Variants in BPTF observed in about 807,000 individuals in gnomAD.
BPTF encodes nucleosome-remodeling factor subunit BPTF.
In BPTF, 18 loss-of-function variants were observed where a neutral mutation model predicts 292.5. That is an observed-to-expected ratio of 0.06 (90% CI 0.04 to 0.09). BPTF has a LOEUF of 0.09. Ranked by LOEUF, BPTF falls within the 10% of genes least tolerant of loss-of-function variation. The pLI, the probability that BPTF is intolerant of heterozygous loss-of-function variation, is 1.00. For missense variants in BPTF, 2,726 were observed against 3,498.7 expected (o/e 0.78, Z 5.57); for synonymous variants, 1,225 against 1,251.9 (o/e 0.98, Z 0.45).
chr17:67,959,821 C>G lies in BPTF; in HGVS notation c.8207C>G (p.Thr2736Ser), dbSNP rs2067303235. Residue 2736 changes from threonine to serine, a missense_variant, in exon 24 of 28, where the codon ACT becomes AGT. Thr to Ser is a moderately conservative substitution (Grantham distance 58). Around this residue, in one of 22 missense-constraint regions of BPTF, gnomAD observed 148 missense variants for 145.5 expected, o/e 1.02. Coordinates refer to ENST00000306378, the MANE Select transcript of BPTF (RefSeq NM_182641.4). Reference sequence around the variant, plus strand: ...ATGATCTCTACTACCTCAAAGGAAACTAAGAAGGACACAAAGCTTTACTGT... The same window carrying G: ...ATGATCTCTACTACCTCAAAGGAAAGTAAGAAGGACACAAAGCTTTACTGT... The part of the protein sequence containing the change: ...KKMISTTSKE[T>S]KKDTKLYCIC... The G allele has an allele frequency of 1.2e-6, 2 of 1,613,554 alleles. No individual in the cohort carries two copies. Among genetic ancestry groups the G allele is most frequent in the Non-Finnish European group, 1.7e-6 (2 of 1,179,840 alleles).
chr17:67,904,185 C>T (rs1346393792), intron 8 of BPTF, among the ~76,000 whole-genome samples: 4 of 152,148 alleles, frequency 2.6e-5, no homozygotes, highest in Admixed American at 6.6e-5. Flanking sequence ...TGCACCACCA[C>T]GCCTGGCTAA....
intron 5 of BPTF, among the ~76,000 whole-genome samples, chr17:67,892,325 T>C (rs2061171677): frequency 6.6e-6 from 1 of 152,242 alleles, no homozygotes; most frequent in South Asian, 2.1e-4. Context: ...ATTAAAGCCT[T>C]CTTTACACAT....
intron 3 of BPTF, among the ~76,000 whole-genome samples, chr17:67,868,582 C>T (rs529313217): frequency 1.8e-4 from 28 of 152,278 alleles, no homozygotes; most frequent in African/African-American, 6.7e-4. Context: ...ACTATAGTGC[C>T]TTTTAAGTTT....
At chr17:67,910,355 C>G (rs1464311385) in intron 10 of BPTF, among the ~76,000 whole-genome samples, 1 of 152,152 alleles carries the variant, frequency 6.6e-6, no homozygotes, top group Admixed American at 6.6e-5. Flanking sequence ...TGCGTTTTCA[C>G]TTCTCTTGGC....
At chr17:67,880,608 T>G (rs557617409) in intron 4 of BPTF, among the ~76,000 whole-genome samples, 1 of 152,110 alleles carries the variant, frequency 6.6e-6, no homozygotes, top group South Asian at 2.1e-4. Context: ...CAAACATTTG[T>G]AGGTTTTTGT....
In BPTF at chr17:67,843,826, C is replaced by T. The variant is rs559316772; in HGVS notation, c.614-10114C>T. ...TGTTGCCCAGGCTGGAATGCAATGG[C>T]GCAATCGTGGCTCACTGCAACCTCC... On this transcript the variant is annotated intron_variant, in intron 1 of 27. Coordinates refer to ENST00000306378, the MANE Select transcript of BPTF (RefSeq NM_182641.4). Among the ~76,000 whole-genome samples, 18 of 128,198 alleles carry T rather than the reference C, an allele frequency of 1.4e-4. No homozygotes were observed. The East Asian group carries it at 2.1e-3, about 15-fold the overall frequency. 84.1% of individuals were successfully genotyped at this position (128,198 alleles called of 152,430 possible).
chr17:67,826,976 G>C (rs1264448462), intron 1 of BPTF, among the ~76,000 whole-genome samples: 1 of 152,144 alleles, frequency 6.6e-6, no homozygotes, highest in East Asian at 1.9e-4. Flanking sequence ...TAATGGGCCC[G>C]TGCAACAGTT....
intron 1 of BPTF, among the ~76,000 whole-genome samples, chr17:67,834,095 C>G (rs759330111): frequency 6.6e-6 from 1 of 152,176 alleles, no homozygotes; most frequent in Non-Finnish European, 1.5e-5. Context: ...ATCACCTTCT[C>G]CAGCCTGCCT....
At chr17:67,924,376 C>T (rs1419278978) in intron 14 of BPTF, among the ~76,000 whole-genome samples, 171 bp from the exon 15 acceptor site, 1 of 151,710 alleles carries the variant, frequency 6.6e-6, no homozygotes, top group African/African-American at 2.4e-5. Context: ...TGGCCTCCCA[C>T]AGTGCTGGGA....
rs544529409 is a variant in BPTF at position 67,932,434 on chromosome 17, T to A, written c.6259+415T>A. 3.3e-5 allele frequency among the ~76,000 whole-genome samples: 5 copies of A among 152,300 alleles called. No individual in the cohort carries two copies. In the South Asian group the frequency reaches 1.0e-3, roughly 32 times the overall value. ...TTGAAGACTGGCCAGGCTAGGTGAC[T>A]CTCCCCTGTAATCCCACTTTGGAAG... On this transcript the variant is annotated intron_variant, in intron 18 of 27. Coordinates refer to ENST00000306378, the MANE Select transcript of BPTF (RefSeq NM_182641.4).
At chr17:67,943,427 T>G (rs543199470) in intron 19 of BPTF, among the ~76,000 whole-genome samples, 6 of 152,310 alleles carry the variant, frequency 3.9e-5, no homozygotes, top group Non-Finnish European at 7.3e-5. Flanking sequence ...GGTTTCTAGT[T>G]GAATTACAGT....
At position 67,940,598 on chromosome 17, in the gene BPTF, C is replaced by T. The variant is rs1555671526; in HGVS notation, c.6419C>T (p.Pro2140Leu). 9.3e-6 allele frequency: 15 copies of T among 1,614,106 alleles called. No individual in the cohort carries two copies. Among genetic ancestry groups the T allele is most frequent in the Non-Finnish European group, 1.3e-5 (15 of 1,180,018 alleles). ...TCTTCAGCCTCACAACCCCCTCGCCCCCAACAAGGACAAGTGAAGCTCACC... is the reference window on the plus strand; with the variant it reads ...TCTTCAGCCTCACAACCCCCTCGCCTCCAACAAGGACAAGTGAAGCTCACC... ...IQSSASQPPR[P>L]QQGQVKLTMA... is the part of the protein sequence containing the mutation. The change falls in exon 19 of 28, where the codon CCC (proline) becomes CTC (leucine). Residue 2140 changes from proline to leucine, a missense_variant. This residue lies in a region of BPTF where 570 missense variants were observed against 633.5 expected (regional missense o/e 0.90). Transcript: ENST00000306378.
In BPTF at chr17:67,912,240, T is replaced by C; in HGVS notation, c.4356T>C (p.Ile1452=). 6.2e-7 allele frequency: 1 copy of C among 1,609,582 alleles called. No individual in the cohort carries two copies. The highest frequency in any genetic ancestry group is 8.5e-7 in the Non-Finnish European group (1 of 1,177,320). The change falls in exon 11 of 28, where the codon ATT becomes ATC. Residue 1452 remains isoleucine, a synonymous_variant. Coordinates refer to ENST00000306378, the MANE Select transcript of BPTF (RefSeq NM_182641.4). ...NINKIIPEND[I]KSLTVKESAI... ...ATAAAATAATCCCTGAGAATGATAT[T>C]AAATCATTGACTGTTAAAGAATCTG...
chr17:67,911,388 T>C lies in BPTF; in HGVS notation c.3504T>C (p.Asp1168=), dbSNP rs1490442286. ...NKLYPKDRVL[D]DVSIRSPETK... ...TTTATCCAAAAGATCGAGTGTTAGA[T>C]GATGTCTCCATTCGGAGCCCAGAAA... Residue 1168 remains aspartate, a synonymous_variant, in exon 11 of 28, where the codon GAT becomes GAC. Coordinates refer to ENST00000306378, the MANE Select transcript of BPTF (RefSeq NM_182641.4). The C allele has an allele frequency of 6.2e-7, 1 of 1,614,134 alleles. No individual in the cohort carries two copies. Among genetic ancestry groups the C allele is most frequent in the South Asian group, 1.1e-5 (1 of 91,076 alleles).
intron 1 of BPTF, among the ~76,000 whole-genome samples, chr17:67,827,082 CA>C (rs947832182): frequency 6.6e-6 from 1 of 152,134 alleles, no homozygotes. Flanking sequence ...TTGGTTAAAT[CA>C]AAAATAAAAG....
At chr17:67,900,156 G>A (rs1361411803) in intron 7 of BPTF, among the ~76,000 whole-genome samples, 1 of 152,052 alleles carries the variant, frequency 6.6e-6, no homozygotes, top group East Asian at 2.0e-4. Context: ...CCAGGCTAGA[G>A]GGCAGTGGCG....
chr17:67,891,747 T>C, intron 4 of BPTF, 97 bp from the exon 5 acceptor site: 1 of 850,280 alleles, frequency 1.2e-6, no homozygotes, highest in South Asian at 2.9e-5. Context: ...ACTTTGTGGA[T>C]CTTACACATA....
intron 2 of BPTF, among the ~76,000 whole-genome samples, chr17:67,857,848 G>A (rs1157346919): frequency 4.2e-5 from 6 of 142,886 alleles, no homozygotes; most frequent in South Asian, 2.2e-4. Flanking sequence ...GTACAGTGGC[G>A]CGATCCTTGG....
At chr17:67,852,535 A>C (rs1225366523) in intron 1 of BPTF, among the ~76,000 whole-genome samples, 5 of 152,164 alleles carry the variant, frequency 3.3e-5, no homozygotes, top group Admixed American at 6.5e-5. Context: ...CTTCTGCTTA[A>C]CACTGTATCT....
Sources: gnomAD v4.1 joint callset for allele counts (sites outside exome capture counted in the v4.1 genomes callset) on GRCh38, gnomAD v4.1.1 for gene constraint, gnomAD v4.1.1 regional missense constraint, MANE v1.5 for transcripts, NCBI Gene and HGNC (gene_info 2026-07-23, HGNC 2026-07-21) for gene names.